TMEM260: variants seen among roughly 807,000 people sequenced by gnomAD.
The protein encoded by TMEM260 is protein O-mannosyl-transferase TMEM260.
A neutral mutation model predicts 88.9 loss-of-function variants in TMEM260; 82 were observed. The observed-to-expected ratio is 0.92, with a 90% confidence interval of 0.77 to 1.11. The LOEUF (loss-of-function observed/expected upper bound fraction) is 1.11. TMEM260 is among the 50% of genes least tolerant of loss of function. The pLI is 0.00. For missense variants in TMEM260, 902 were observed against 853.4 expected (o/e 1.06, Z -0.71); for synonymous variants, 314 against 309.3 (o/e 1.02, Z -0.16).
intron 8 of TMEM260, 107 bp downstream of exon 8, chr14:56,616,134 A>G: frequency 1.4e-6 from 1 of 736,050 alleles, no homozygotes; most frequent in Non-Finnish European, 2.3e-6. Context: ...TATACTCCAA[A>G]TAAATGACTC....
downstream of TMEM260, chr14:56,650,155 C>A (rs1267768793): frequency 2.2e-6 from 1 of 446,488 alleles, no homozygotes; most frequent in Non-Finnish European, 4.5e-6. Context: ...GAGGTGACTT[C>A]TCATGCAAGA....
At chr14:56,616,111 GC>G in intron 8 of TMEM260, 84 bp downstream of exon 8, 1 of 985,000 alleles carries the variant, frequency 1.0e-6, no homozygotes, top group Non-Finnish European at 1.6e-6. Flanking sequence ...GTAGGACATT[GC>G]CAGTATTATT....
downstream of TMEM260, among the ~76,000 whole-genome samples, chr14:56,653,746 A>AAAAAAAAACAACC (rs1890251502): frequency 1.2e-5 from 1 of 85,968 alleles, no homozygotes; most frequent in Non-Finnish European, 3.2e-5. Context: ...CAAAACAAAA[A>AAAAAAAAACAACC]AAAAAAAAAC....
At position 56,648,127 on chromosome 14, in the gene TMEM260, A is replaced by G. The variant is rs1157562399; in HGVS notation, c.*630A>G. ...TGATGTTTGCTTATTTCAGTTGCAG[A>G]AACTGGCGAGTAAAAAAGATTTTGC... is the stretch of plus-strand genomic sequence containing the variant. On this transcript the variant is annotated 3_prime_UTR_variant, in exon 16 of 16. Transcript: ENST00000261556. 6.6e-6 allele frequency: 1 copy of G among 152,102 alleles called. No homozygotes were observed. The highest frequency in any genetic ancestry group is 2.4e-5 in the African/African-American group (1 of 41,432). 9.4% of individuals were successfully genotyped at this position (152,102 alleles called of 1,614,324 possible).
chr14:56,580,116 G>A, intron 1 of TMEM260, 42 bp downstream of exon 1: 1 of 1,245,808 alleles, frequency 8.0e-7, no homozygotes, highest in Non-Finnish European at 1.0e-6. Flanking sequence ...CCTCTCCCCT[G>A]GTCCCAGAAC....
rs193158994 is a variant in TMEM260 at position 56,627,061 on chromosome 14, C to T, written c.1547+1531C>T. Among the ~76,000 whole-genome samples, 192 of 152,066 alleles carry T rather than the reference C, an allele frequency of 1.3e-3. 2 individuals are homozygous for T. The highest frequency in any genetic ancestry group is 4.2e-3 in the African/African-American group (173 of 41,488). On this transcript the variant is annotated intron_variant, in intron 12 of 15. Coordinates refer to ENST00000261556, the MANE Select transcript of TMEM260 (RefSeq NM_017799.4). ...ATTGTTGGCTAATATTCTCATAAGACGCATAATAATTTAACGAATATTCTA... is the reference window on the plus strand; with the variant it reads ...ATTGTTGGCTAATATTCTCATAAGATGCATAATAATTTAACGAATATTCTA...
chr14:56,597,825 A>G (rs1025029298), intron 3 of TMEM260, among the ~76,000 whole-genome samples: 5 of 152,214 alleles, frequency 3.3e-5, no homozygotes, highest in African/African-American at 1.2e-4. Flanking sequence ...CAACAGAGAG[A>G]GAGAGAGGGA....
the TMEM260 span, among the ~76,000 whole-genome samples, chr14:56,656,153 A>G: frequency 6.6e-6 from 1 of 152,164 alleles, no homozygotes; most frequent in Admixed American, 6.5e-5. Context: ...ACAGTGATTC[A>G]CACCTGTAAT....
chr14:56,588,294 T>C (rs1224976914), intron 3 of TMEM260, among the ~76,000 whole-genome samples: 1 of 152,084 alleles, frequency 6.6e-6, no homozygotes, highest in Non-Finnish European at 1.5e-5. Flanking sequence ...TAGGTTTTTT[T>C]CAGGTAATTG....
In TMEM260 at chr14:56,580,000, G is replaced by C; in HGVS notation, c.86G>C (p.Gly29Ala). ...GLRRSGGIRG[G>A]VAVFAAVAAV... The stretch of plus-strand genomic sequence containing the variant: ...CGGCGCTCCGGGGGCATCCGCGGCG[G>C]CGTGGCGGTGTTCGCCGCCGTGGCC... Residue 29 changes from glycine (G) to alanine (A), a missense_variant, in exon 1 of 16, where the codon GGC (glycine) becomes GCC (alanine). Transcript: ENST00000261556. 1.6e-6 allele frequency: 2 copies of C among 1,246,936 alleles called. No individual in the cohort carries two copies. Among genetic ancestry groups the C allele is most frequent in the Non-Finnish European group, 2.0e-6 (2 of 989,194 alleles). 77.2% of individuals were successfully genotyped at this position (1,246,936 alleles called of 1,614,324 possible).
chr14:56,585,134 A>T (rs112012728), intron 2 of TMEM260, 102 bp downstream of exon 2: 10 of 1,107,500 alleles, frequency 9.0e-6, no homozygotes, highest in Non-Finnish European at 1.3e-5. Flanking sequence ...TTTATTTTCA[A>T]ACCCCCGTTT....
Position 56,621,579 on chromosome 14 carries a change from CCTT to C in TMEM260, c.1278_1280del (p.Leu427del). 2 of 1,611,300 alleles carry C rather than the reference CCTT, an allele frequency of 1.2e-6. No homozygotes were observed. Among genetic ancestry groups the C allele is most frequent in the Non-Finnish European group, 8.5e-7 (1 of 1,178,886 alleles). ...ATGTGATTGATAAGTTCGCAAAGAA[CCTT>C]CTCACCTCTATGCCTCATGATGCAA... On this transcript the variant is annotated inframe_deletion, in exon 11 of 16. Transcript: ENST00000261556.
At chr14:56,640,230 A>G (rs1380238056) in intron 15 of TMEM260, among the ~76,000 whole-genome samples, 4 of 152,270 alleles carry the variant, frequency 2.6e-5, no homozygotes, top group Middle Eastern at 3.4e-3. Flanking sequence ...AGTAGCCTAA[A>G]TGGGAGGCAC....
chr14:56,591,253 T>G (rs1310706508), intron 3 of TMEM260, among the ~76,000 whole-genome samples: 1 of 152,218 alleles, frequency 6.6e-6, no homozygotes, highest in Non-Finnish European at 1.5e-5. Context: ...ATAACTCATA[T>G]AGATTTGGTG....
intron 10 of TMEM260, among the ~76,000 whole-genome samples, chr14:56,619,868 C>G (rs1169163142): frequency 6.6e-6 from 1 of 152,046 alleles, no homozygotes; most frequent in East Asian, 1.9e-4. Context: ...TTCACAATAA[C>G]AAAGACATGG....
Position 56,647,616 on chromosome 14 carries a change from A to G in TMEM260, c.*119A>G, listed in dbSNP as rs764581811. On this transcript the variant is annotated 3_prime_UTR_variant, in exon 16 of 16. Coordinates refer to ENST00000261556, the MANE Select transcript of TMEM260 (RefSeq NM_017799.4). ...TTTAAAACTAAGTCATCTCCCAGATATAAGTATCATGGTCCAGCAGTACTG... is the reference window on the plus strand; with the variant it reads ...TTTAAAACTAAGTCATCTCCCAGATGTAAGTATCATGGTCCAGCAGTACTG... The G allele has an allele frequency of 7.6e-5, 87 of 1,138,578 alleles. No homozygotes were observed. The highest frequency in any genetic ancestry group is 9.9e-5 in the Non-Finnish European group (82 of 827,678). The allele number at this position is 1,138,578 out of a possible 1,614,324, so 70.5% of individuals were successfully genotyped here. A position where few individuals can be genotyped will look rare whatever the true frequency, so the allele number is the denominator to read the frequency against.
intron 15 of TMEM260, 37 bp from the exon 16 acceptor site, chr14:56,647,206 A>T: frequency 6.5e-7 from 1 of 1,545,228 alleles, no homozygotes; most frequent in Non-Finnish European, 8.7e-7. Context: ...AAGTCAAAGA[A>T]TAACAATGGA....
intron 15 of TMEM260, among the ~76,000 whole-genome samples, chr14:56,641,810 G>A (rs1394967479): frequency 1.3e-5 from 2 of 152,248 alleles, no homozygotes; most frequent in Non-Finnish European, 2.9e-5. Flanking sequence ...AAAATAAAGG[G>A]TTGGAGGAAG....
rs1890144277 is a variant in TMEM260 at position 56,649,394 on chromosome 14, A to T, written c.*1897A>T. 1 of 152,442 alleles carries T rather than the reference A, an allele frequency of 6.6e-6. No individual in the cohort carries two copies. Among genetic ancestry groups the T allele is most frequent in the African/African-American group, 2.4e-5 (1 of 41,456 alleles). 9.4% of individuals were successfully genotyped at this position (152,442 alleles called of 1,614,324 possible). A position where few individuals can be genotyped will look rare whatever the true frequency, so the allele number is the denominator to read the frequency against. ...CTGTTGGAGTTCAGCGTGGTGTAAA[A>T]ATGTAAGGAAGCATTGATAAATTGT... On this transcript the variant is annotated 3_prime_UTR_variant, in exon 16 of 16. Coordinates refer to ENST00000261556, the MANE Select transcript of TMEM260 (RefSeq NM_017799.4).
Sources: allele counts gnomAD v4.1 joint callset (sites outside exome capture counted in the v4.1 genomes callset), GRCh38; gene constraint gnomAD v4.1.1; transcripts MANE v1.5; gene names NCBI Gene and HGNC (gene_info 2026-07-23, HGNC 2026-07-21).